Variants in PRDM14 observed in about 807,000 individuals in gnomAD.
PRDM14 encodes the protein PR/SET domain 14, also known as PR domain zinc finger protein 14.
In PRDM14, 16 loss-of-function variants were observed where a neutral mutation model predicts 48.0. The ratio of observed to expected loss-of-function variants is 0.33; its 90% CI spans 0.23 to 0.51. PRDM14 has a LOEUF of 0.51. PRDM14 is among the 20% of genes least tolerant of loss of function. The pLI is 0.97. For missense variants in PRDM14, 566 were observed against 719.6 expected, an observed-to-expected ratio of 0.79 and a Z score of 2.44; for synonymous variants, 264 against 276.6, an observed-to-expected ratio of 0.95 and a Z score of 0.45.
chr8:70,058,375 T>C (rs931529709), intron 6 of PRDM14, among the ~76,000 whole-genome samples: 17 of 152,242 alleles, frequency 1.1e-4, no homozygotes, highest in African/African-American at 4.1e-4. Flanking sequence ...TCTGTGCATC[T>C]TTCATAATCC....
chr8:70,070,169 C>T (rs971630490), intron 1 of PRDM14, among the ~76,000 whole-genome samples: 11 of 152,346 alleles, frequency 7.2e-5, no homozygotes, highest in Admixed American at 4.6e-4. Context: ...AGCACCCCTT[C>T]CCTAAGCCCG....
rs936083339 is a variant in PRDM14, at chr8:70,052,107, G to A, written c.1686C>T (p.Tyr562=). Residue 562 remains tyrosine (Y), a synonymous_variant, in exon 8 of 8, where the codon TAC becomes TAT. Coordinates refer to ENST00000276594, the MANE Select transcript of PRDM14 (RefSeq NM_024504.4). The part of the protein sequence containing the change: ...GKIFSDQETF[Y]SHMKFHEDY ...AGTCTTCATGAAACTTCATGTGGGAGTAGAATGTTTCTTGATCTGAGAAGA... is the reference window on the plus strand; with the variant it reads ...AGTCTTCATGAAACTTCATGTGGGAATAGAATGTTTCTTGATCTGAGAAGA... 2 of 1,610,760 alleles carry A rather than the reference G, an allele frequency of 1.2e-6. No homozygotes were observed. The highest frequency in any genetic ancestry group is 2.2e-5 in the East Asian group (1 of 44,850).
intron 7 of PRDM14, among the ~76,000 whole-genome samples, chr8:70,052,717 TAGTC>T (rs1157464759): frequency 1.3e-5 from 2 of 151,442 alleles, no homozygotes; most frequent in African/African-American, 2.4e-5. Flanking sequence ...ATACAAAAAT[TAGTC>T]AGGCATGCTA....
chr8:70,054,372 G>A (rs913647511), intron 7 of PRDM14, among the ~76,000 whole-genome samples: 1 of 152,042 alleles, frequency 6.6e-6, no homozygotes, highest in Admixed American at 6.6e-5. Flanking sequence ...CCAACAACTT[G>A]GTAAAGACTA....
chr8:70,070,799 CA>C (rs1236260355), intron 1 of PRDM14, among the ~76,000 whole-genome samples: 1 of 152,212 alleles, frequency 6.6e-6, no homozygotes, highest in Non-Finnish European at 1.5e-5. Flanking sequence ...AATAGACAGG[CA>C]GCAAGTTCAC....
At position 70,068,211 on chromosome 8, in the gene PRDM14, C is replaced by T; in HGVS notation, c.912+19G>A. ...TCCCGCCCCATTTTCAGCAGCAGACCCACCAGAAACAGATTTACCTCCCAC... is the reference window on the plus strand; with the variant it reads ...TCCCGCCCCATTTTCAGCAGCAGACTCACCAGAAACAGATTTACCTCCCAC... On this transcript the variant is annotated intron_variant, in intron 4 of 7. Transcript: ENST00000276594. 4 of 1,613,752 alleles carry T rather than the reference C, an allele frequency of 2.5e-6. No homozygotes were observed. Among genetic ancestry groups the T allele is most frequent in the Non-Finnish European group, 3.4e-6 (4 of 1,179,660 alleles).
intron 5 of PRDM14, 49 bp from the exon 6 acceptor site, chr8:70,058,891 G>T: frequency 7.3e-7 from 1 of 1,372,844 alleles, no homozygotes; most frequent in Non-Finnish European, 1.0e-6. Flanking sequence ...TCCCTCCCTA[G>T]TTCCTTCAAG....
In PRDM14 at chr8:70,069,160, C is replaced by T. The variant is rs1805720648; in HGVS notation, c.700+1G>A. The T allele has an allele frequency of 6.7e-7, 1 of 1,502,152 alleles. No individual in the cohort carries two copies. The highest frequency in any genetic ancestry group is 8.9e-7 in the Non-Finnish European group (1 of 1,126,906). 93.1% of individuals were successfully genotyped at this position (1,502,152 alleles called of 1,614,324 possible). On this transcript the variant is annotated splice_donor_variant, in intron 2 of 7. Coordinates refer to ENST00000276594, the MANE Select transcript of PRDM14 (RefSeq NM_024504.4). LOFTEE classifies it high-confidence loss of function. ...TCCCAAATGGTGTGAACTCCCTTTACCAGAGCTGTCTGGGGGGACCAGGAG... is the reference window on the plus strand; with the variant it reads ...TCCCAAATGGTGTGAACTCCCTTTATCAGAGCTGTCTGGGGGGACCAGGAG...
At chr8:70,059,442 T>C (rs1031790877) in intron 5 of PRDM14, among the ~76,000 whole-genome samples, 1 of 151,870 alleles carries the variant, frequency 6.6e-6, no homozygotes, top group African/African-American at 2.4e-5. Flanking sequence ...CAGCTAATTT[T>C]TGTATTTTTA....
intron 1 of PRDM14, 94 bp from the exon 2 acceptor site, chr8:70,069,978 C>G: frequency 1.4e-6 from 1 of 702,712 alleles, no homozygotes; most frequent in South Asian, 1.9e-5. Flanking sequence ...CCCAGCCAGC[C>G]CCAGATCCAA....
chr8:70,064,979 T>C (rs1441537015), intron 5 of PRDM14, among the ~76,000 whole-genome samples: 3 of 151,754 alleles, frequency 2.0e-5, no homozygotes, highest in African/African-American at 4.8e-5. Context: ...CTCTGTCTCC[T>C]GGGTTCAAAT....
intron 1 of PRDM14, 80 bp from the exon 2 acceptor site, chr8:70,069,964 C>G: frequency 1.3e-6 from 1 of 771,088 alleles, no homozygotes; most frequent in Non-Finnish European, 2.0e-6. Context: ...CCAGCCTCCT[C>G]CACCCCAGCC....
chr8:70,070,540 T>C (rs566900398), intron 1 of PRDM14, among the ~76,000 whole-genome samples: 150 of 152,312 alleles, frequency 9.8e-4, no homozygotes, highest in African/African-American at 3.5e-3. Flanking sequence ...CGGTCCTGAC[T>C]GCCCGCAGGG....
chr8:70,055,261 G>T, intron 7 of PRDM14, 39 bp downstream of exon 7: 2 of 1,165,850 alleles, frequency 1.7e-6, no homozygotes, highest in South Asian at 1.3e-5. Flanking sequence ...CACTCAAGCA[G>T]AGCTCAGGAC....
At chr8:70,059,475 T>C (rs1805539762) in intron 5 of PRDM14, among the ~76,000 whole-genome samples, 1 of 151,830 alleles carries the variant, frequency 6.6e-6, no homozygotes, top group Non-Finnish European at 1.5e-5. Flanking sequence ...TTTCACCATC[T>C]TGGCCAGGAC....
chr8:70,070,260 T>TC (rs1805744145), intron 1 of PRDM14, among the ~76,000 whole-genome samples: 2 of 152,128 alleles, frequency 1.3e-5, no homozygotes, highest in Admixed American at 6.5e-5. Flanking sequence ...TTTCCTTCCT[T>TC]CTTCTCAGTC....
chr8:70,058,457 T>C (rs1805517946), intron 6 of PRDM14, among the ~76,000 whole-genome samples, 183 bp downstream of exon 6: 1 of 152,224 alleles, frequency 6.6e-6, no homozygotes, highest in South Asian at 2.1e-4. Flanking sequence ...TCCTAACACA[T>C]GTGCATCGCT....
chr8:70,067,149 T>G (rs1367857775), intron 4 of PRDM14, among the ~76,000 whole-genome samples: 3 of 152,182 alleles, frequency 2.0e-5, no homozygotes, highest in Non-Finnish European at 4.4e-5. Flanking sequence ...TTTATTTAAT[T>G]CCACCACTTA....
intron 1 of PRDM14, among the ~76,000 whole-genome samples, chr8:70,070,112 C>T (rs2131044610): frequency 6.6e-6 from 1 of 152,318 alleles, no homozygotes; most frequent in East Asian, 1.9e-4. Context: ...CGGGATCCTG[C>T]CCTACTCTAA....
Sources: gnomAD v4.1 joint callset for allele counts (sites outside exome capture counted in the v4.1 genomes callset) on GRCh38, gnomAD v4.1.1 for gene constraint, MANE v1.5 for transcripts, NCBI Gene and HGNC (gene_info 2026-07-23, HGNC 2026-07-21) for gene names.